Variants in NAV3 observed in about 807,000 individuals in gnomAD.
NAV3 encodes neuron navigator 3, also known as pore membrane and/or filament interacting like protein 1.
In NAV3, 87 loss-of-function variants were observed where a neutral mutation model predicts 244.7. That is an observed-to-expected ratio of 0.36 (90% CI 0.30 to 0.42). NAV3 has a LOEUF of 0.42. Ranked by LOEUF, NAV3 falls within the 20% of genes least tolerant of loss-of-function variation. The pLI, the probability that NAV3 is intolerant of heterozygous loss-of-function variation, is 1.00. For synonymous variants in NAV3, 1,126 were observed against 1,042.2 expected (o/e 1.08, Z -1.55); for missense variants, 2,663 against 2,893.3 (o/e 0.92, Z 1.83).
chr12:77,636,284 G>A (rs537083605), intron 2 of NAV3, among the ~76,000 whole-genome samples: 5 of 152,022 alleles, frequency 3.3e-5, no homozygotes, highest in African/African-American at 1.2e-4. Context: ...GGCTAACATA[G>A]CAAAACCCTG....
At chr12:77,866,337 A>T (rs1477592461) in intron 1 of NAV3, among the ~76,000 whole-genome samples, 1 of 152,224 alleles carries the variant, frequency 6.6e-6, no homozygotes, top group African/African-American at 2.4e-5. Context: ...ATGTTAGTGG[A>T]TACAAGAATG....
chr12:77,775,393 GA>G (rs34505799), intron 2 of NAV3, among the ~76,000 whole-genome samples: 3,895 of 124,406 alleles, frequency 0.031, 178 homozygotes, highest in African/African-American at 0.1. Context: ...AGTCCATCTT[GA>G]AAAAAAAAAA....
intron 2 of NAV3, among the ~76,000 whole-genome samples, chr12:77,718,075 G>A (rs1435024151): frequency 6.6e-6 from 1 of 152,052 alleles, no homozygotes; most frequent in East Asian, 1.9e-4. Context: ...AAGCTTGTTG[G>A]TTAGATATAG....
chr12:78,204,056 A>AT (rs1182757360), intron 38 of NAV3, among the ~76,000 whole-genome samples: 3 of 151,938 alleles, frequency 2.0e-5, no homozygotes, highest in Non-Finnish European at 4.4e-5. Context: ...TCAGTTTCCT[A>AT]TTTTTTATCC....
At chr12:78,074,540 C>A (rs777326953) in intron 12 of NAV3, among the ~76,000 whole-genome samples, 4 of 152,066 alleles carry the variant, frequency 2.6e-5, no homozygotes, top group Non-Finnish European at 5.9e-5. Flanking sequence ...CCCATCTCTA[C>A]TAAAAATACA....
intron 12 of NAV3, among the ~76,000 whole-genome samples, chr12:78,076,184 T>C (rs983919318): frequency 6.6e-6 from 1 of 152,218 alleles, no homozygotes; most frequent in Non-Finnish European, 1.5e-5. Flanking sequence ...TATTTGTTGA[T>C]GTCCACCACC....
chr12:77,660,407 C>A lies in NAV3; in HGVS notation c.72+88141C>A, dbSNP rs144877196. ...TAAGCTGGGAATTTGGCAAAGAAAT[C>A]GGGAGATTCACTTTTATGAACCAAT... is the stretch of plus-strand genomic sequence containing the variant. On this transcript the variant is annotated intron_variant, in intron 2 of 8. Coordinates refer to the NAV3 transcript ENST00000550042. Among the ~76,000 whole-genome samples the A allele has an allele frequency of 2.3e-3, 351 of 152,200 alleles. 1 individual carries two copies. The highest frequency in any genetic ancestry group is 3.6e-3 in the Non-Finnish European group (244 of 67,980).
At chr12:77,744,611 C>T (rs1264095121) in intron 2 of NAV3, among the ~76,000 whole-genome samples, 1 of 151,902 alleles carries the variant, frequency 6.6e-6, no homozygotes, top group African/African-American at 2.4e-5. Flanking sequence ...TTACAAACTT[C>T]TTTCAAGGAA....
At chr12:77,785,389 T>C in intron 2 of NAV3, among the ~76,000 whole-genome samples, 1 of 152,116 alleles carries the variant, frequency 6.6e-6, no homozygotes, top group Admixed American at 6.6e-5. Flanking sequence ...CCAGGAGGTC[T>C]CCTAAACAGA....
At chr12:77,782,004 A>G (rs1265873584) in intron 2 of NAV3, among the ~76,000 whole-genome samples, 1 of 152,218 alleles carries the variant, frequency 6.6e-6, no homozygotes, top group Non-Finnish European at 1.5e-5. Context: ...TGAAGATATA[A>G]ATAGCAGGAG....
chr12:78,061,853 A>G (rs1884375997), intron 12 of NAV3, among the ~76,000 whole-genome samples: 1 of 152,114 alleles, frequency 6.6e-6, no homozygotes, highest in African/African-American at 2.4e-5. Context: ...ATGTAAAAAC[A>G]TGTTTCCTGT....
chr12:77,831,214 AG>A lies in NAV3; in HGVS notation c.-247del. On this transcript the variant is annotated 5_prime_UTR_variant, in exon 1 of 40. Coordinates refer to ENST00000397909, the MANE Select transcript of NAV3 (RefSeq NM_001024383.2). ...GAGAGACAGAGAGAGAGAGAGAGAG[AG>A]AGAAAGAGAGAGAGAGAGAGAATGA... 1.1e-5 allele frequency: 3 copies of A among 284,016 alleles called. No homozygotes were observed. The highest frequency in any genetic ancestry group is 2.0e-5 in the Non-Finnish European group (3 of 149,970). 17.6% of individuals were successfully genotyped at this position (284,016 alleles called of 1,614,324 possible).
chr12:77,734,527 CACA>C (rs749876230), intron 2 of NAV3, among the ~76,000 whole-genome samples: 45 of 152,230 alleles, frequency 3.0e-4, no homozygotes, highest in Non-Finnish European at 5.3e-4. Context: ...TTAGACAAAT[CACA>C]ACAACTAACT....
chr12:77,718,541 T>C (rs1465074115), intron 2 of NAV3, among the ~76,000 whole-genome samples: 1 of 152,210 alleles, frequency 6.6e-6, no homozygotes, highest in Non-Finnish European at 1.5e-5. Context: ...TTGCTCTATA[T>C]TGTTTTGGCT....
chr12:77,760,878 A>G (rs11106583), intron 2 of NAV3, among the ~76,000 whole-genome samples: 1,598 of 152,304 alleles, frequency 0.01, 35 homozygotes, highest in African/African-American at 0.037. Context: ...CATTTTGCAC[A>G]GAGAACTGAA....
intron 5 of NAV3, among the ~76,000 whole-genome samples, chr12:77,986,907 T>C (rs1870614491): frequency 6.6e-6 from 1 of 152,166 alleles, no homozygotes; most frequent in African/African-American, 2.4e-5. Flanking sequence ...GTGATGTCTG[T>C]AATGGATGTG....
At chr12:78,142,580 G>A (rs906182751) in intron 20 of NAV3, among the ~76,000 whole-genome samples, 2 of 147,142 alleles carry the variant, frequency 1.4e-5, no homozygotes, top group African/African-American at 5.0e-5. Flanking sequence ...TCAAAATGAT[G>A]AGGATAATTA....
intron 20 of NAV3, among the ~76,000 whole-genome samples, chr12:78,143,960 T>C (rs417114): frequency 0.35 from 52,554 of 151,910 alleles, 9,350 homozygotes; most frequent in East Asian, 0.48. Context: ...GGGAAAGAAA[T>C]ACCCTTTGCT....
At chr12:78,047,625 T>G (rs2137181896) in intron 9 of NAV3, among the ~76,000 whole-genome samples, 1 of 152,342 alleles carries the variant, frequency 6.6e-6, no homozygotes, top group African/African-American at 2.4e-5. Context: ...CCTTTCTCTC[T>G]GGCTGCCCTT....
Sources: gnomAD v4.1 joint callset for allele counts (sites outside exome capture counted in the v4.1 genomes callset) on GRCh38, gnomAD v4.1.1 for gene constraint, MANE v1.5 for transcripts, NCBI Gene and HGNC (gene_info 2026-07-23, HGNC 2026-07-21) for gene names.